The following SMYD3 variants were observed in gnomAD, a reference collection of about 807,000 sequenced individuals.
SMYD3 encodes the protein SET and MYND domain containing 3.
SMYD3 carries 36 observed loss-of-function variants against 57.7 expected under a neutral mutation model. That is an observed-to-expected ratio of 0.62 (90% CI 0.48 to 0.82). SMYD3 has a LOEUF of 0.82. Ranked by LOEUF, SMYD3 falls within the 40% of genes least tolerant of loss-of-function variation. The pLI is 0.00. For synonymous variants in SMYD3, 211 were observed against 195.0 expected (o/e 1.08, Z -0.68); for missense variants, 515 against 538.8 (o/e 0.96, Z 0.44).
At chr1:246,232,147 A>G (rs200774747) in intron 5 of SMYD3, among the ~76,000 whole-genome samples, 1 of 152,002 alleles carries the variant, frequency 6.6e-6, no homozygotes, top group Non-Finnish European at 1.5e-5. Flanking sequence ...AATAAATCCA[A>G]TGGAAGCTCT....
At chr1:245,902,470 C>T (rs2054254132) in intron 8 of SMYD3, among the ~76,000 whole-genome samples, 1 of 152,204 alleles carries the variant, frequency 6.6e-6, no homozygotes, top group Admixed American at 6.5e-5. Flanking sequence ...GATAAGCCTG[C>T]ACATGGCATC....
intron 5 of SMYD3, among the ~76,000 whole-genome samples, chr1:245,936,712 T>C (rs1039091732): frequency 1.3e-5 from 2 of 152,036 alleles, no homozygotes; most frequent in Non-Finnish European, 2.9e-5. Context: ...TTGGGCAACA[T>C]GGCAAAACCT....
At chr1:245,816,350 C>A (rs1430295011) in intron 10 of SMYD3, among the ~76,000 whole-genome samples, 1 of 151,854 alleles carries the variant, frequency 6.6e-6, no homozygotes, top group Non-Finnish European at 1.5e-5. Context: ...AGGAGTGGGG[C>A]TTGCACTACT....
intron 1 of SMYD3, among the ~76,000 whole-genome samples, chr1:246,457,194 G>A (rs1276958242): frequency 6.6e-6 from 1 of 152,028 alleles, no homozygotes; most frequent in Non-Finnish European, 1.5e-5. Context: ...AATCTTTCGA[G>A]AGGTGAATGT....
intron 5 of SMYD3, among the ~76,000 whole-genome samples, chr1:246,125,657 C>T (rs2061498287): frequency 6.6e-6 from 1 of 151,890 alleles, no homozygotes; most frequent in African/African-American, 2.4e-5. Flanking sequence ...GGAGTGGTAA[C>T]ATATAATAAA....
At chr1:246,378,556 C>G (rs2066318281) in intron 1 of SMYD3, among the ~76,000 whole-genome samples, 1 of 149,596 alleles carries the variant, frequency 6.7e-6, no homozygotes, top group Admixed American at 6.8e-5. Flanking sequence ...GAAACTCGGA[C>G]TGGCTCTCCT....
At chr1:246,045,376 T>C (rs1319215726) in intron 5 of SMYD3, among the ~76,000 whole-genome samples, 2 of 152,038 alleles carry the variant, frequency 1.3e-5, no homozygotes, top group African/African-American at 2.4e-5. Context: ...AAAGAAGAAA[T>C]GGGGAAAGGA....
intron 5 of SMYD3, among the ~76,000 whole-genome samples, chr1:245,936,540 T>G (rs2056987587): frequency 6.6e-6 from 1 of 152,156 alleles, no homozygotes; most frequent in African/African-American, 2.4e-5. Context: ...ATGTGAAGCA[T>G]CAGGTCATGA....
At chr1:246,460,283 A>C (rs762000473) in intron 1 of SMYD3, among the ~76,000 whole-genome samples, 7 of 152,194 alleles carry the variant, frequency 4.6e-5, no homozygotes, top group Non-Finnish European at 1.0e-4. Flanking sequence ...ATTTATTCAA[A>C]TATCTACTGA....
At chr1:246,458,438 C>CTTT (rs35956400) in intron 1 of SMYD3, among the ~76,000 whole-genome samples, 4 of 62,064 alleles carry the variant, frequency 6.4e-5, no homozygotes, top group Admixed American at 3.0e-4. Flanking sequence ...AAAAGTCATT[C>CTTT]TTTTTTTTTT....
At chr1:245,944,274 T>A (rs1252715264) in intron 5 of SMYD3, among the ~76,000 whole-genome samples, 1 of 152,132 alleles carries the variant, frequency 6.6e-6, no homozygotes, top group Non-Finnish European at 1.5e-5. Context: ...CTTAAGCTGA[T>A]GAGCAACTTC....
At chr1:246,448,711 A>T (rs2067587061) in intron 1 of SMYD3, among the ~76,000 whole-genome samples, 1 of 149,182 alleles carries the variant, frequency 6.7e-6, no homozygotes, top group Non-Finnish European at 1.5e-5. Flanking sequence ...TTTTAAAAAA[A>T]AAAAAAAAAA....
At chr1:246,403,858 G>A (rs374792729) in intron 1 of SMYD3, among the ~76,000 whole-genome samples, 34 of 152,304 alleles carry the variant, frequency 2.2e-4, no homozygotes, top group African/African-American at 7.7e-4. Flanking sequence ...ATATATCCGT[G>A]TTCAAGCACA....
intron 5 of SMYD3, among the ~76,000 whole-genome samples, chr1:246,273,135 C>CTTTTTT (rs71299006): frequency 0.18 from 18,897 of 106,450 alleles, 2,257 homozygotes; most frequent in East Asian, 0.41. Flanking sequence ...TCCCTGTTTT[C>CTTTTTT]TTTTTTTTTT....
intron 5 of SMYD3, among the ~76,000 whole-genome samples, chr1:246,154,789 GT>G (rs56920133): frequency 3.5e-5 from 5 of 144,108 alleles, no homozygotes; most frequent in South Asian, 2.2e-4. Flanking sequence ...TTTGTTTTTT[GT>G]TTTTTTTTTG....
chr1:246,045,759 T>G (rs2059952709), intron 5 of SMYD3, among the ~76,000 whole-genome samples: 1 of 152,108 alleles, frequency 6.6e-6, no homozygotes, highest in African/African-American at 2.4e-5. Context: ...ATCCAGAAAC[T>G]ATGAAGAACT....
At chr1:246,241,369 G>A (rs1014587043) in intron 5 of SMYD3, among the ~76,000 whole-genome samples, 3 of 152,114 alleles carry the variant, frequency 2.0e-5, no homozygotes, top group African/African-American at 7.2e-5. Flanking sequence ...TTTGCCTTTG[G>A]TTCTGTTTAT....
At chr1:245,906,172 A>G (rs1378823610) in intron 8 of SMYD3, among the ~76,000 whole-genome samples, 1 of 152,260 alleles carries the variant, frequency 6.6e-6, no homozygotes, top group African/African-American at 2.4e-5. Flanking sequence ...AAGCTTCTGC[A>G]TAGCAGAGGA....
At chr1:246,114,056 A>G (rs2061302209) in intron 5 of SMYD3, among the ~76,000 whole-genome samples, 1 of 152,220 alleles carries the variant, frequency 6.6e-6, no homozygotes, top group Admixed American at 6.5e-5. Context: ...AGTGAAGCCT[A>G]CAACTTAGAT....
Sources: allele counts gnomAD v4.1 joint callset (sites outside exome capture counted in the v4.1 genomes callset), GRCh38; gene constraint gnomAD v4.1.1; transcripts MANE v1.5; gene names NCBI Gene and HGNC (gene_info 2026-07-23, HGNC 2026-07-21).